STK39: variants seen among roughly 807,000 people sequenced by gnomAD.
The protein encoded by STK39 is STE20/SPS1-related proline-alanine-rich protein kinase.
Under a neutral mutation model 77.8 loss-of-function variants are expected in STK39, and 20 were observed. That is an observed-to-expected ratio of 0.26 (90% CI 0.18 to 0.37). The LOEUF (loss-of-function observed/expected upper bound fraction) is 0.37, where lower values mean the gene tolerates loss of function less well. Ranked by LOEUF, STK39 falls within the 10% of genes least tolerant of loss-of-function variation. The probability of loss-of-function intolerance (pLI) is 1.00; values close to 1 mark genes in which losing one functional copy is unlikely to be tolerated. For missense variants in STK39, 479 were observed against 656.5 expected, an observed-to-expected ratio of 0.73 and a Z score of 2.95; for synonymous variants, 246 against 234.1, an observed-to-expected ratio of 1.05 and a Z score of -0.47.
intron 1 of STK39, among the ~76,000 whole-genome samples, chr2:168,246,894 G>C (rs1466715206): frequency 6.6e-6 from 1 of 151,756 alleles, no homozygotes; most frequent in Non-Finnish European, 1.5e-5. Flanking sequence ...GTCCCGGCAC[G>C]CGGGGGGAGG....
chr2:168,022,306 G>A lies in STK39; in HGVS notation c.1377-5211C>T, dbSNP rs139659604. On this transcript the variant is annotated intron_variant, in intron 14 of 17. Coordinates refer to ENST00000355999, the MANE Select transcript of STK39 (RefSeq NM_013233.3). ...CTTTGGTCAAAGGATATATGCATTTGTAATTTGACACACATTATGAAATTC... is the reference window on the plus strand; with the variant it reads ...CTTTGGTCAAAGGATATATGCATTTATAATTTGACACACATTATGAAATTC... Among the ~76,000 whole-genome samples the A allele has an allele frequency of 3.9e-3, 591 of 152,328 alleles. 5 individuals carry two copies. Among genetic ancestry groups the A allele is most frequent in the Middle Eastern group, 0.031 (9 of 294 alleles).
chr2:168,021,985 T>C (rs1332492214), intron 14 of STK39, among the ~76,000 whole-genome samples: 2 of 152,286 alleles, frequency 1.3e-5, no homozygotes, highest in African/African-American at 2.4e-5. Flanking sequence ...CAAATATACA[T>C]ATATATTGAA....
chr2:168,117,073 C>A (rs1453287333), intron 10 of STK39, among the ~76,000 whole-genome samples: 1 of 152,180 alleles, frequency 6.6e-6, no homozygotes, highest in East Asian at 1.9e-4. Flanking sequence ...ATACAAAGTG[C>A]ATAATTCACA....
At chr2:168,075,346 G>A (rs1319037838) in intron 10 of STK39, 115 bp from the exon 11 acceptor site, 175 of 1,387,660 alleles carry the variant, frequency 1.3e-4, no homozygotes, top group Non-Finnish European at 9.1e-5. Context: ...CTGAGTGGCT[G>A]TGAATCCAGG....
chr2:167,979,640 A>G (rs1432155245), intron 16 of STK39, among the ~76,000 whole-genome samples: 3 of 152,220 alleles, frequency 2.0e-5, no homozygotes, highest in Non-Finnish European at 4.4e-5. Flanking sequence ...GCATTCTTGC[A>G]GGTCATCCAG....
intron 14 of STK39, among the ~76,000 whole-genome samples, chr2:168,057,598 G>A (rs561617773): frequency 6.6e-6 from 1 of 152,094 alleles, no homozygotes; most frequent in African/African-American, 2.4e-5. Flanking sequence ...TTACATGCTG[G>A]GTCATTATTA....
intron 10 of STK39, among the ~76,000 whole-genome samples, chr2:168,123,053 T>C (rs182716826): frequency 1.2e-4 from 19 of 152,332 alleles, no homozygotes; most frequent in Middle Eastern, 3.4e-3. Flanking sequence ...CTTAATATGA[T>C]ACAGAGAAGA....
chr2:167,955,448 G>T lies in STK39; in HGVS notation c.*48C>A. On this transcript the variant is annotated 3_prime_UTR_variant, in exon 18 of 18. Coordinates refer to ENST00000355999, the MANE Select transcript of STK39 (RefSeq NM_013233.3). ...AAAGAGGGAGGGTTGAAGGGAGTAG[G>T]GGTGGCGGTGGGGCATGACAGATCA... 1 of 1,577,994 alleles carries T rather than the reference G, an allele frequency of 6.3e-7. No individual in the cohort carries two copies. Among genetic ancestry groups the T allele is most frequent in the South Asian group, 1.1e-5 (1 of 89,188 alleles).
intron 10 of STK39, among the ~76,000 whole-genome samples, chr2:168,125,598 G>A (rs757927565): frequency 3.1e-4 from 47 of 152,072 alleles, no homozygotes; most frequent in Non-Finnish European, 4.6e-4. Context: ...TCAGACTAGA[G>A]CCAAAGAAAA....
At chr2:167,977,293 A>G (rs778615736) in intron 16 of STK39, among the ~76,000 whole-genome samples, 1 of 152,192 alleles carries the variant, frequency 6.6e-6, no homozygotes, top group Non-Finnish European at 1.5e-5. Context: ...GGAAGTGTCC[A>G]ATAATCATTA....
At chr2:168,221,739 A>G (rs1356105158) in intron 1 of STK39, among the ~76,000 whole-genome samples, 1 of 152,170 alleles carries the variant, frequency 6.6e-6, no homozygotes, top group East Asian at 1.9e-4. Context: ...CCTCAAGGTC[A>G]GACCGTAAAG....
intron 1 of STK39, among the ~76,000 whole-genome samples, chr2:168,229,452 A>C (rs1690392415): frequency 6.6e-6 from 1 of 151,870 alleles, no homozygotes; most frequent in African/African-American, 2.4e-5. Flanking sequence ...TAAACAAAAC[A>C]AAAAAAACTA....
At chr2:167,956,715 CTCTCTCTCTCTCT>C in intron 17 of STK39, among the ~76,000 whole-genome samples, 1 of 73,172 alleles carries the variant, frequency 1.4e-5, no homozygotes, top group Non-Finnish European at 3.0e-5. Flanking sequence ...CTCTCTCTCT[CTCTCTCTCTCTCT>C]CCCCCCCCGC....
At chr2:167,986,551 G>A (rs1683563199) in intron 16 of STK39, among the ~76,000 whole-genome samples, 1 of 152,128 alleles carries the variant, frequency 6.6e-6, no homozygotes, top group African/African-American at 2.4e-5. Context: ...AAAGAGAGAG[G>A]ATACCAATTT....
chr2:168,167,180 C>T (rs987794749), intron 3 of STK39, 119 bp downstream of exon 3: 3 of 827,356 alleles, frequency 3.6e-6, no homozygotes, highest in Non-Finnish European at 5.8e-6. Context: ...CAATGAGAAA[C>T]CAAACAAACT....
At chr2:168,172,087 C>T (rs1312169298) in intron 2 of STK39, among the ~76,000 whole-genome samples, 1 of 152,188 alleles carries the variant, frequency 6.6e-6, no homozygotes, top group East Asian at 1.9e-4. Flanking sequence ...GAGATTACTA[C>T]TATCTACATG....
At chr2:168,186,910 AAAGAAC>A (rs1176393499) in intron 1 of STK39, among the ~76,000 whole-genome samples, 1 of 152,210 alleles carries the variant, frequency 6.6e-6, no homozygotes, top group East Asian at 1.9e-4. Context: ...TTTGGAAACC[AAAGAAC>A]TAAATGATTT....
intron 1 of STK39, among the ~76,000 whole-genome samples, chr2:168,182,892 T>C (rs2105632550): frequency 6.6e-6 from 1 of 152,254 alleles, no homozygotes; most frequent in Non-Finnish European, 1.5e-5. Flanking sequence ...ACATAAATCC[T>C]CTACCACTGC....
chr2:168,121,988 C>A (rs992444057), intron 10 of STK39, among the ~76,000 whole-genome samples: 4 of 152,208 alleles, frequency 2.6e-5, no homozygotes, highest in Non-Finnish European at 5.9e-5. Context: ...ACCTCCACTT[C>A]CTGCCTAAAT....
Sources: gnomAD v4.1 joint callset for allele counts (sites outside exome capture counted in the v4.1 genomes callset) on GRCh38, gnomAD v4.1.1 for gene constraint, MANE v1.5 for transcripts, NCBI Gene and HGNC (gene_info 2026-07-23, HGNC 2026-07-21) for gene names.